AKAP19: variants seen among roughly 807,000 people sequenced by gnomAD.
The protein encoded by AKAP19 is small A-kinase anchoring protein.
the AKAP19 span, among the ~76,000 whole-genome samples, chr2:190,095,292 T>C: frequency 6.6e-6 from 1 of 152,136 alleles, no homozygotes; most frequent in African/African-American, 2.4e-5. Flanking sequence ...AATCAAGAAA[T>C]TGAAAAATAC....
At chr2:189,880,951 T>C in the AKAP19 span, among the ~76,000 whole-genome samples, 1 of 152,148 alleles carries the variant, frequency 6.6e-6, no homozygotes, top group South Asian at 2.1e-4. Flanking sequence ...AAAATAATCT[T>C]GAGGTGAGCC....
the AKAP19 span, among the ~76,000 whole-genome samples, chr2:190,144,792 C>T: frequency 6.6e-6 from 1 of 151,940 alleles, no homozygotes; most frequent in African/African-American, 2.4e-5. Context: ...GCCTGACTAA[C>T]ATGGTAAAAC....
At chr2:189,956,240 G>C in the AKAP19 span, among the ~76,000 whole-genome samples, 1 of 143,462 alleles carries the variant, frequency 7.0e-6, no homozygotes, top group African/African-American at 2.6e-5. Context: ...CGGGATCTCG[G>C]CTCACTGCAA....
chr2:189,919,700 C>A, the AKAP19 span, among the ~76,000 whole-genome samples: 1 of 152,128 alleles, frequency 6.6e-6, no homozygotes, highest in Non-Finnish European at 1.5e-5. Flanking sequence ...TTCATCCATG[C>A]CCCTGTATAG....
At chr2:189,989,697 A>G in the AKAP19 span, among the ~76,000 whole-genome samples, 17 of 152,252 alleles carry the variant, frequency 1.1e-4, no homozygotes, top group East Asian at 3.3e-3. Context: ...AAGAAGTAGA[A>G]CCCCATCTGG....
At chr2:189,961,950 T>G in the AKAP19 span, among the ~76,000 whole-genome samples, 1 of 152,032 alleles carries the variant, frequency 6.6e-6, no homozygotes, top group Non-Finnish European at 1.5e-5. Flanking sequence ...GAGGGTATAT[T>G]TAAAACCACT....
At chr2:190,038,382 T>C in the AKAP19 span, among the ~76,000 whole-genome samples, 1 of 152,318 alleles carries the variant, frequency 6.6e-6, no homozygotes, top group African/African-American at 2.4e-5. Context: ...GGTCAGGATC[T>C]AGTGTAGATG....
the AKAP19 span, among the ~76,000 whole-genome samples, chr2:190,021,277 A>T: frequency 2.0e-5 from 3 of 152,212 alleles, no homozygotes; most frequent in Non-Finnish European, 2.9e-5. Context: ...TATTACAAAA[A>T]GCTATTGATT....
the AKAP19 span, among the ~76,000 whole-genome samples, chr2:189,999,278 C>T: frequency 6.6e-6 from 1 of 151,638 alleles, no homozygotes; most frequent in East Asian, 1.9e-4. Flanking sequence ...TGGTGTGTTT[C>T]GTTTTCATTT....
At chr2:190,025,596 C>A in the AKAP19 span, among the ~76,000 whole-genome samples, 1 of 152,168 alleles carries the variant, frequency 6.6e-6, no homozygotes, top group Non-Finnish European at 1.5e-5. Context: ...AGAGCTGAGC[C>A]CATGCTTTTC....
the AKAP19 span, among the ~76,000 whole-genome samples, chr2:190,026,402 T>A: frequency 6.6e-6 from 1 of 152,184 alleles, no homozygotes; most frequent in Non-Finnish European, 1.5e-5. Context: ...AGGGGCTTGG[T>A]TAGGAAAACA....
chr2:189,933,539 T>C, the AKAP19 span, among the ~76,000 whole-genome samples: 1 of 152,158 alleles, frequency 6.6e-6, no homozygotes, highest in South Asian at 2.1e-4. Flanking sequence ...TTCCAAATTG[T>C]CTTCTGTGGA....
At chr2:190,062,358 AGTT>A in the AKAP19 span, 1 of 1,613,404 alleles carries the variant, frequency 6.2e-7, no homozygotes, top group Non-Finnish European at 8.5e-7. Flanking sequence ...TTTGGGTAAA[AGTT>A]GTCTTATAAC....
chr2:190,121,690 C>T, the AKAP19 span, among the ~76,000 whole-genome samples: 2 of 152,070 alleles, frequency 1.3e-5, no homozygotes, highest in Non-Finnish European at 1.5e-5. Flanking sequence ...TGGGAAACTA[C>T]TAATGGAAGT....
the AKAP19 span, among the ~76,000 whole-genome samples, chr2:189,999,154 GT>G: frequency 2.0e-4 from 30 of 146,432 alleles, no homozygotes; most frequent in Admixed American, 5.4e-4. Flanking sequence ...TATTTTTCCA[GT>G]TTTTTTTTTG....
the AKAP19 span, among the ~76,000 whole-genome samples, chr2:190,085,171 G>C: frequency 6.6e-6 from 1 of 152,086 alleles, no homozygotes. Flanking sequence ...AAAGGAAATG[G>C]ATATTTTCAA....
chr2:190,144,435 C>G, the AKAP19 span, among the ~76,000 whole-genome samples: 4 of 151,976 alleles, frequency 2.6e-5, no homozygotes, highest in African/African-American at 9.7e-5. Flanking sequence ...AGAAAATATT[C>G]TATTTTATTC....
the AKAP19 span, among the ~76,000 whole-genome samples, chr2:189,974,872 A>G: frequency 3.3e-5 from 5 of 152,132 alleles, no homozygotes; most frequent in South Asian, 8.3e-4. Flanking sequence ...GCCTATGTGT[A>G]TCTCTGCACG....
At chr2:189,997,774 T>A in the AKAP19 span, among the ~76,000 whole-genome samples, 31 of 152,338 alleles carry the variant, frequency 2.0e-4, no homozygotes, top group African/African-American at 7.0e-4. Context: ...CTTGCACTCC[T>A]TTCTGCAGCA....
Sources: allele counts gnomAD v4.1 joint callset (sites outside exome capture counted in the v4.1 genomes callset), GRCh38; gene constraint gnomAD v4.1.1; transcripts MANE v1.5; gene names NCBI Gene and HGNC (gene_info 2026-07-23, HGNC 2026-07-21).